Variants in NBAS observed in about 807,000 individuals in gnomAD.
NBAS encodes the protein NAG/BC035112 fusion.
NBAS carries 219 observed loss-of-function variants against 302.5 expected under a neutral mutation model. The ratio of observed to expected loss-of-function variants is 0.72; its 90% confidence interval spans 0.65 to 0.81. The LOEUF is 0.81. NBAS is among the 30% of genes least tolerant of loss of function. The pLI is 0.00. For missense variants in NBAS, 2,932 were observed against 2,841.6 expected (o/e 1.03, Z -0.72); for synonymous variants, 1,118 against 1,021.6 (o/e 1.09, Z -1.80).
intron 43 of NBAS, among the ~76,000 whole-genome samples, 171 bp downstream of exon 43, chr2:15,276,680 C>T (rs1182581055): frequency 6.6e-6 from 1 of 152,154 alleles, no homozygotes; most frequent in Non-Finnish European, 1.5e-5. Flanking sequence ...ATTTAATTCC[C>T]TCAACTATAA....
In NBAS at chr2:15,440,578, T is replaced by G. The variant is rs367949566; in HGVS notation, c.2340-12784A>C. ...TGGGGAAAAAACAGAGCAGAAAAAC[T>G]GGAAACTCTCAAAAGCAGAGCAACT... is the stretch of plus-strand genomic sequence containing the variant. On this transcript the variant is annotated intron_variant, in intron 21 of 51. Transcript: ENST00000281513. Among the ~76,000 whole-genome samples the G allele has an allele frequency of 1.1e-4, 17 of 152,152 alleles. No homozygotes were observed. In the South Asian group the frequency reaches 2.1e-3, roughly 19 times the overall value.
intron 33 of NBAS, among the ~76,000 whole-genome samples, chr2:15,355,128 A>T (rs534892753): frequency 6.6e-6 from 1 of 152,338 alleles, no homozygotes; most frequent in East Asian, 1.9e-4. Flanking sequence ...AACAGTACAC[A>T]TGTGAAAGTT....
At chr2:15,037,209 G>A in the NBAS span, among the ~76,000 whole-genome samples, 5 of 152,288 alleles carry the variant, frequency 3.3e-5, no homozygotes, top group South Asian at 1.0e-3. Flanking sequence ...GGGCCCTGCT[G>A]TGATCTTTCA....
At chr2:15,297,647 G>A (rs1439632394) in intron 40 of NBAS, among the ~76,000 whole-genome samples, 1 of 152,186 alleles carries the variant, frequency 6.6e-6, no homozygotes, top group African/African-American at 2.4e-5. Flanking sequence ...TAAGCCTGTG[G>A]AGCTATGAGT....
At chr2:14,880,943 A>G in the NBAS span, among the ~76,000 whole-genome samples, 1 of 151,860 alleles carries the variant, frequency 6.6e-6, no homozygotes, top group Non-Finnish European at 1.5e-5. Context: ...GCAAAAAAAA[A>G]AAAAATTTAT....
chr2:14,816,168 T>C, the NBAS span, among the ~76,000 whole-genome samples: 2 of 152,230 alleles, frequency 1.3e-5, no homozygotes, highest in African/African-American at 4.8e-5. Flanking sequence ...CACAGGGATC[T>C]CCAACTTCCA....
At chr2:14,908,511 T>C in the NBAS span, among the ~76,000 whole-genome samples, 84,473 of 152,108 alleles carry the variant, frequency 0.56, 24,316 homozygotes, top group African/African-American at 0.69. Context: ...GTGGAGAGGG[T>C]TTGCTTAACT....
At chr2:15,483,359 A>G in intron 12 of NBAS, 1 of 435,918 alleles carries the variant, frequency 2.3e-6, no homozygotes, top group South Asian at 1.7e-5. Context: ...ACTTAAGATT[A>G]GTCCAACACC....
the NBAS span, among the ~76,000 whole-genome samples, chr2:14,944,790 A>G: frequency 6.6e-6 from 1 of 152,092 alleles, no homozygotes; most frequent in African/African-American, 2.4e-5. Context: ...CACATTCACA[A>G]TGTCCCTCCC....
At chr2:14,943,165 G>A in the NBAS span, among the ~76,000 whole-genome samples, 1 of 152,182 alleles carries the variant, frequency 6.6e-6, no homozygotes, top group Non-Finnish European at 1.5e-5. Context: ...AAAGCTTCTA[G>A]TCATGTTCCT....
the NBAS span, among the ~76,000 whole-genome samples, chr2:14,887,399 C>CAAAAAAAAAAAAAAAAAA: frequency 7.8e-4 from 66 of 84,534 alleles, 1 homozygote; most frequent in African/African-American, 1.9e-3. Context: ...TGAGACTCCT[C>CAAAAAAAAAAAAAAAAAA]AAAAAAAAAA....
chr2:14,841,026 T>G, the NBAS span, among the ~76,000 whole-genome samples: 1 of 151,866 alleles, frequency 6.6e-6, no homozygotes, highest in Non-Finnish European at 1.5e-5. Flanking sequence ...CAACAAAAAG[T>G]AAAAATGTAG....
chr2:15,111,176 C>A, the NBAS span, among the ~76,000 whole-genome samples: 1 of 152,046 alleles, frequency 6.6e-6, no homozygotes, highest in South Asian at 2.1e-4. Flanking sequence ...TAGATAATGT[C>A]TTAAAATGAC....
At chr2:14,825,602 C>G in the NBAS span, among the ~76,000 whole-genome samples, 2 of 152,146 alleles carry the variant, frequency 1.3e-5, no homozygotes, top group African/African-American at 2.4e-5. Context: ...TCTTTACTGT[C>G]AACCTCACGT....
chr2:15,460,033 C>T (rs1185488339), intron 21 of NBAS, among the ~76,000 whole-genome samples: 2 of 152,054 alleles, frequency 1.3e-5, no homozygotes, highest in Non-Finnish European at 2.9e-5. Flanking sequence ...AGTAATTACT[C>T]TATACATGTT....
chr2:15,404,309 A>C (rs993765683), intron 25 of NBAS, among the ~76,000 whole-genome samples: 10 of 152,120 alleles, frequency 6.6e-5, no homozygotes, highest in African/African-American at 1.9e-4. Flanking sequence ...AGAATGAAAG[A>C]AATTGAGAGA....
intron 8 of NBAS, among the ~76,000 whole-genome samples, chr2:15,535,217 C>A (rs1351056134): frequency 6.6e-6 from 1 of 152,032 alleles, no homozygotes; most frequent in Non-Finnish European, 1.5e-5. Context: ...GTGTTTAAGC[C>A]CTTGATATAA....
chr2:14,933,422 T>C, the NBAS span, among the ~76,000 whole-genome samples: 1 of 152,140 alleles, frequency 6.6e-6, no homozygotes, highest in Non-Finnish European at 1.5e-5. Flanking sequence ...AACCTAAACC[T>C]TATAGTTCAA....
rs561299904 is a variant in NBAS at position 15,379,736 on chromosome 2, T to A, written c.3456A>T (p.Pro1152=). The A allele has an allele frequency of 6.2e-7, 1 of 1,614,064 alleles. No individual in the cohort carries two copies. The highest frequency in any genetic ancestry group is 1.7e-5 in the Admixed American group (1 of 60,012). Residue 1152 remains proline (P), a synonymous_variant, in exon 30 of 52, where the codon CCA becomes CCT. Coordinates refer to ENST00000281513, the MANE Select transcript of NBAS (RefSeq NM_015909.4). ...GTTTCCCTTTATGGGCTATACCAGC[T>A]GGAGGATTTTCTGAACAAGCACTGC... ...MHCSACSENP[P]AGIAHKGKPH...
Sources: gnomAD v4.1 joint callset for allele counts (sites outside exome capture counted in the v4.1 genomes callset) on GRCh38, gnomAD v4.1.1 for gene constraint, MANE v1.5 for transcripts, NCBI Gene and HGNC (gene_info 2026-07-23, HGNC 2026-07-21) for gene names.